DMXL1: variants seen among roughly 807,000 people sequenced by gnomAD.
DMXL1 encodes the protein Dmx like 1.
Under a neutral mutation model 319.2 loss-of-function variants are expected in DMXL1, and 99 were observed. That is an observed-to-expected ratio of 0.31 (90% CI 0.26 to 0.37). The LOEUF (loss-of-function observed/expected upper bound fraction) is 0.37. Among genes scored for constraint, DMXL1 ranks in the 10% least tolerant of loss-of-function variants. The probability of loss-of-function intolerance (pLI) is 1.00; values close to 1 mark genes in which losing one functional copy is unlikely to be tolerated. For synonymous variants in DMXL1, 1,385 were observed against 1,235.2 expected, an observed-to-expected ratio of 1.12 and a Z score of -2.54; for missense variants, 3,745 against 3,595.6, an observed-to-expected ratio of 1.04 and a Z score of -1.06.
intron 35 of DMXL1, among the ~76,000 whole-genome samples, 190 bp downstream of exon 35, chr5:119,217,177 G>A (rs1783840000): frequency 6.6e-6 from 1 of 152,038 alleles, no homozygotes; most frequent in East Asian, 1.9e-4. Context: ...TATGATTTTG[G>A]AGATACAGCT....
At chr5:119,198,773 T>C (rs1428631333) in intron 32 of DMXL1, among the ~76,000 whole-genome samples, 2 of 152,120 alleles carry the variant, frequency 1.3e-5, no homozygotes, top group Non-Finnish European at 2.9e-5. Context: ...GGTACAAAAA[T>C]AGACAAATAG....
At chr5:119,107,302 C>A (rs1353498419) in intron 4 of DMXL1, among the ~76,000 whole-genome samples, 1 of 151,784 alleles carries the variant, frequency 6.6e-6, no homozygotes, top group African/African-American at 2.4e-5. Flanking sequence ...GATTGTGCTA[C>A]TGCTTTCTAG....
rs188616877 is a variant in DMXL1 at position 119,172,610 on chromosome 5, C to A, written c.6681+641C>A. On this transcript the variant is annotated intron_variant, in intron 25 of 43. Transcript: ENST00000539542. ...TGTTATAGTTAATTGTCTAATCAAC[C>A]AAAGCATCCTATTCATCATTACTTT... is the stretch of plus-strand genomic sequence containing the variant. 1.9e-3 allele frequency among the ~76,000 whole-genome samples: 284 copies of A among 152,272 alleles called. 5 individuals are homozygous for A. The highest frequency in any genetic ancestry group is 6.3e-3 in the African/African-American group (263 of 41,556).
intron 19 of DMXL1, among the ~76,000 whole-genome samples, chr5:119,157,607 G>A (rs187488160): frequency 1.3e-4 from 20 of 152,246 alleles, no homozygotes; most frequent in African/African-American, 1.7e-4. Context: ...TTCCTGGCAC[G>A]TTTGACAAAA....
intron 19 of DMXL1, among the ~76,000 whole-genome samples, chr5:119,164,195 CATAAA>C (rs1772920202): frequency 6.6e-6 from 1 of 151,332 alleles, no homozygotes; most frequent in South Asian, 2.1e-4. Context: ...AATATATCAA[CATAAA>C]ATAATGCTTT....
rs572359800 is a variant in DMXL1, at chr5:119,147,245, G to A, written c.2690-4G>A. 9.9e-6 allele frequency: 16 copies of A among 1,609,692 alleles called. No individual in the cohort carries two copies. The East Asian group carries it at 1.6e-4, about 16-fold the overall frequency. On this transcript the variant is annotated splice_region_variant and splice_polypyrimidine_tract_variant and intron_variant, in intron 16 of 43. Transcript: ENST00000539542. ...GTTTTTGGTTCTTTTCTTATGTTTT[G>A]TAGATGAAAAAGTAGATACAAAATT...
At chr5:119,124,990 C>G (rs114917649) in intron 9 of DMXL1, among the ~76,000 whole-genome samples, 1 of 152,146 alleles carries the variant, frequency 6.6e-6, no homozygotes, top group Admixed American at 6.5e-5. Context: ...ATATTTTTCA[C>G]TGTTAAACAT....
At chr5:119,090,888 C>T (rs1754647280) in intron 1 of DMXL1, among the ~76,000 whole-genome samples, 1 of 151,758 alleles carries the variant, frequency 6.6e-6, no homozygotes, top group Non-Finnish European at 1.5e-5. Context: ...TTTTAAATAG[C>T]CTGTCTTTGA....
intron 23 of DMXL1, among the ~76,000 whole-genome samples, chr5:119,168,950 G>A (rs1021682870): frequency 3.3e-5 from 5 of 151,904 alleles, no homozygotes; most frequent in Admixed American, 2.0e-4. Context: ...CACCCAGGCT[G>A]GAGTGCAGTG....
chr5:119,183,445 G>A (rs1238413758), intron 28 of DMXL1, among the ~76,000 whole-genome samples: 3 of 152,198 alleles, frequency 2.0e-5, no homozygotes, highest in Admixed American at 6.5e-5. Flanking sequence ...GAACTTCAAA[G>A]TAACTAATTC....
intron 38 of DMXL1, among the ~76,000 whole-genome samples, chr5:119,229,192 G>A (rs1458423222): frequency 3.4e-5 from 5 of 148,370 alleles, no homozygotes; most frequent in African/African-American, 7.4e-5. Flanking sequence ...ACAAAATCTC[G>A]ATTTTGTAGT....
intron 9 of DMXL1, among the ~76,000 whole-genome samples, chr5:119,124,160 A>T (rs1312973587): frequency 6.6e-6 from 1 of 151,564 alleles, no homozygotes; most frequent in Non-Finnish European, 1.5e-5. Context: ...AATACAAAAA[A>T]AAAAATTAGC....
chr5:119,187,530 C>A (rs1394983849), intron 28 of DMXL1, among the ~76,000 whole-genome samples: 1 of 152,122 alleles, frequency 6.6e-6, no homozygotes, highest in Non-Finnish European at 1.5e-5. Context: ...ATTGACAAGT[C>A]ACAGGTCATT....
intron 1 of DMXL1, among the ~76,000 whole-genome samples, chr5:119,079,394 C>G (rs956194856): frequency 8.5e-5 from 13 of 152,216 alleles, no homozygotes; most frequent in African/African-American, 2.7e-4. Flanking sequence ...TCTCTGGGAG[C>G]TCAGCCCTAA....
Position 119,150,029 on chromosome 5 carries a change from A to G in DMXL1, c.4202A>G (p.Asp1401Gly), listed in dbSNP as rs1352378298. Reference sequence around the variant, plus strand: ...GAAAATACAGATTACACAGAAATAGATTCTGTTCCTCCACTTCCTTTATAT... The same window carrying G: ...GAAAATACAGATTACACAGAAATAGGTTCTGTTCCTCCACTTCCTTTATAT... The part of the protein sequence containing the change: ...KAENTDYTEI[D>G]SVPPLPLYAL... Residue 1401 changes from aspartate (D) to glycine (G), a missense_variant, in exon 18 of 44, where the codon GAT becomes GGT. Asp to Gly is a moderately conservative substitution (Grantham distance 94, BLOSUM62 -1). Transcript: ENST00000539542. 3 of 1,613,754 alleles carry G rather than the reference A, an allele frequency of 1.9e-6. No homozygotes were observed. The highest frequency in any genetic ancestry group is 1.1e-5 in the South Asian group (1 of 91,088).
intron 42 of DMXL1, among the ~76,000 whole-genome samples, chr5:119,241,058 A>G (rs1314423737): frequency 6.6e-6 from 1 of 152,158 alleles, no homozygotes; most frequent in Non-Finnish European, 1.5e-5. Flanking sequence ...GAATTTAACT[A>G]CTAATAGCCT....
chr5:119,099,099 C>T (rs540996891), intron 2 of DMXL1, among the ~76,000 whole-genome samples: 1 of 151,426 alleles, frequency 6.6e-6, no homozygotes, highest in Admixed American at 6.6e-5. Context: ...TGTCCTCTAT[C>T]TTTTGTTGAG....
chr5:119,097,208 T>C (rs1048733358), intron 1 of DMXL1, among the ~76,000 whole-genome samples: 6 of 152,234 alleles, frequency 3.9e-5, no homozygotes, highest in African/African-American at 1.4e-4. Flanking sequence ...TTTAGGATAT[T>C]GACCATGGTA....
Position 119,132,507 on chromosome 5 carries a change from C to T in DMXL1, c.1316-625C>T, listed in dbSNP as rs113489385. 3.2e-3 allele frequency: 748 copies of T among 234,048 alleles called. 12 individuals are homozygous for T. The highest frequency in any genetic ancestry group is 0.016 in the African/African-American group (699 of 43,486). The allele number at this position is 234,048 out of a possible 1,614,324, so 14.5% of individuals were successfully genotyped here. ...CAGCTTGACCAAGATGGTGAAACCC[C>T]GTCTCTACTAAAAAGTACAAAAATT... On this transcript the variant is annotated intron_variant, in intron 10 of 43. Coordinates refer to ENST00000539542, the MANE Select transcript of DMXL1 (RefSeq NM_001290321.3).
Sources: allele counts gnomAD v4.1 joint callset (sites outside exome capture counted in the v4.1 genomes callset), GRCh38; gene constraint gnomAD v4.1.1; transcripts MANE v1.5; gene names NCBI Gene and HGNC (gene_info 2026-07-23, HGNC 2026-07-21).